SYT1: variants seen among roughly 807,000 people sequenced by gnomAD.
SYT1 encodes the protein synaptotagmin 1.
A neutral mutation model predicts 44.8 loss-of-function variants in SYT1; 8 were observed. The observed-to-expected ratio is 0.18, with a 90% CI of 0.10 to 0.32. The LOEUF is 0.32. Among genes scored for constraint, SYT1 ranks in the 10% least tolerant of loss-of-function variants. SYT1 has a pLI of 1.00. For missense variants in SYT1, 286 were observed against 509.3 expected (o/e 0.56, Z 4.22); for synonymous variants, 154 against 188.8 (o/e 0.82, Z 1.51).
At chr12:79,399,424 C>T (rs2136110679) in intron 9 of SYT1, among the ~76,000 whole-genome samples, 1 of 151,048 alleles carries the variant, frequency 6.6e-6, no homozygotes, top group East Asian at 2.0e-4. Context: ...ATTTAATTTT[C>T]CTGTAAGTCA....
At chr12:79,039,391 A>G (rs996477796) in intron 2 of SYT1, among the ~76,000 whole-genome samples, 1 of 151,992 alleles carries the variant, frequency 6.6e-6, no homozygotes, top group African/African-American at 2.4e-5. Flanking sequence ...GTTAATACCA[A>G]TTACATTACT....
At chr12:79,237,242 T>G (rs1185280283) in intron 4 of SYT1, among the ~76,000 whole-genome samples, 1 of 152,204 alleles carries the variant, frequency 6.6e-6, no homozygotes, top group East Asian at 1.9e-4. Context: ...GGGTAACCAT[T>G]CCAGGGTTAT....
At chr12:79,002,128 G>A (rs1870778589) in intron 2 of SYT1, among the ~76,000 whole-genome samples, 1 of 151,994 alleles carries the variant, frequency 6.6e-6, no homozygotes, top group Non-Finnish European at 1.5e-5. Context: ...AAAATATAAT[G>A]TTTGTTTCTC....
intron 9 of SYT1, among the ~76,000 whole-genome samples, chr12:79,389,984 G>C (rs554832369): frequency 6.6e-6 from 1 of 151,458 alleles, no homozygotes; most frequent in Admixed American, 6.6e-5. Flanking sequence ...CCAGGCTGGA[G>C]TGCAGCGGCG....
chr12:79,415,212 A>C (rs1405891919), intron 9 of SYT1, among the ~76,000 whole-genome samples: 6 of 152,170 alleles, frequency 3.9e-5, no homozygotes, highest in Non-Finnish European at 7.4e-5. Flanking sequence ...CAGTCCTTCC[A>C]TTAAGAGATA....
chr12:78,934,162 A>G (rs1476469324), intron 1 of SYT1, among the ~76,000 whole-genome samples: 1 of 148,112 alleles, frequency 6.8e-6, no homozygotes, highest in Non-Finnish European at 1.5e-5. Flanking sequence ...GCGTGTGTAC[A>G]CACACACACA....
chr12:79,292,029 G>C lies in SYT1; in HGVS notation c.373G>C (p.Glu125Gln). The C allele has an allele frequency of 6.2e-7, 1 of 1,613,986 alleles. No individual in the cohort carries two copies. Among genetic ancestry groups the C allele is most frequent in the Non-Finnish European group, 8.5e-7 (1 of 1,179,982 alleles). ...KDQALKDDDAETGLTDGEEKE... is the reference protein window; with the variant it reads ...KDQALKDDDAQTGLTDGEEKE... ...ATAGGCCCTCAAGGATGATGATGCT[G>C]AAACTGGATTGACAGATGGAGAAGA... Residue 125 changes from glutamate to glutamine, a missense_variant, in exon 6 of 11, where the codon GAA (glutamate) becomes CAA (glutamine). Glu to Gln is a conservative substitution (Grantham distance 29). This residue lies in a region of SYT1 where 141 missense variants were observed against 165.7 expected (regional missense o/e 0.85). Transcript: ENST00000261205.
intron 3 of SYT1, among the ~76,000 whole-genome samples, chr12:79,112,236 C>T (rs181911884): frequency 2.0e-3 from 302 of 152,008 alleles, no homozygotes; most frequent in Non-Finnish European, 3.4e-3. Context: ...GAATCTGAGA[C>T]AAAACTTGAA....
At chr12:78,885,785 A>T (rs184374834) in intron 1 of SYT1, among the ~76,000 whole-genome samples, 117 of 152,162 alleles carry the variant, frequency 7.7e-4, no homozygotes, top group African/African-American at 2.6e-3. Context: ...TTTTGAGCAT[A>T]TGAGTAACAC....
At chr12:79,329,331 C>T (rs1010617582) in intron 8 of SYT1, among the ~76,000 whole-genome samples, 2 of 152,128 alleles carry the variant, frequency 1.3e-5, no homozygotes, top group African/African-American at 4.8e-5. Flanking sequence ...AGAGAGCTGA[C>T]TTAGGGGAAT....
intron 4 of SYT1, among the ~76,000 whole-genome samples, chr12:79,251,336 G>GA (rs11412114): frequency 0.013 from 1,873 of 147,974 alleles, 36 homozygotes; most frequent in African/African-American, 0.041. Flanking sequence ...AACCTGGAGG[G>GA]AAAAAAAAAA....
At chr12:79,267,455 G>C (rs1878191115) in intron 4 of SYT1, among the ~76,000 whole-genome samples, 1 of 152,102 alleles carries the variant, frequency 6.6e-6, no homozygotes. Flanking sequence ...CAGAATCCAA[G>C]AGCTGCCTAT....
intron 3 of SYT1, among the ~76,000 whole-genome samples, chr12:79,199,667 T>A (rs539206262): frequency 8.5e-5 from 13 of 152,246 alleles, no homozygotes; most frequent in African/African-American, 3.1e-4. Flanking sequence ...TCACCTAAGT[T>A]TACTCACATT....
chr12:79,437,859 A>G (rs1593067096), intron 9 of SYT1, among the ~76,000 whole-genome samples: 1 of 151,958 alleles, frequency 6.6e-6, no homozygotes, highest in South Asian at 2.1e-4. Flanking sequence ...CCTATCAAAC[A>G]TGTGTTAAAA....
chr12:79,367,883 G>C lies in SYT1; in HGVS notation c.928+14264G>C, dbSNP rs535804251. 4.6e-5 allele frequency among the ~76,000 whole-genome samples: 7 copies of C among 151,906 alleles called. No individual in the cohort carries two copies. The South Asian group carries it at 1.5e-3, about 32-fold the overall frequency. ...AATATTGCTTATTAGTCCTACAGCA[G>C]AGATGATACCTTTTTTTAAAAAAAA... On this transcript the variant is annotated intron_variant, in intron 9 of 10. Coordinates refer to ENST00000261205, the MANE Select transcript of SYT1 (RefSeq NM_005639.3).
intron 3 of SYT1, among the ~76,000 whole-genome samples, chr12:79,144,607 A>G (rs1158892768): frequency 6.6e-6 from 1 of 152,206 alleles, no homozygotes; most frequent in Non-Finnish European, 1.5e-5. Flanking sequence ...AACAAGACCC[A>G]TCATCTGGGT....
chr12:79,259,434 A>G (rs1877708253), intron 4 of SYT1, among the ~76,000 whole-genome samples: 1 of 152,226 alleles, frequency 6.6e-6, no homozygotes, highest in Non-Finnish European at 1.5e-5. Flanking sequence ...AAAACAAGAT[A>G]ATGACAAAAG....
At chr12:79,385,643 A>G (rs1194645608) in intron 9 of SYT1, among the ~76,000 whole-genome samples, 1 of 152,224 alleles carries the variant, frequency 6.6e-6, no homozygotes, top group East Asian at 1.9e-4. Context: ...GCAGTTTATC[A>G]TAGGATTTAG....
chr12:79,244,123 C>G (rs2138664376), intron 4 of SYT1, among the ~76,000 whole-genome samples: 1 of 152,250 alleles, frequency 6.6e-6, no homozygotes, highest in East Asian at 1.9e-4. Context: ...ATTCTGGGCA[C>G]TTTAACGTAC....
Sources: gnomAD v4.1 joint callset for allele counts (sites outside exome capture counted in the v4.1 genomes callset) on GRCh38, gnomAD v4.1.1 for gene constraint, gnomAD v4.1.1 regional missense constraint, MANE v1.5 for transcripts, NCBI Gene and HGNC (gene_info 2026-07-23, HGNC 2026-07-21) for gene names.